DCDC1: variants seen among roughly 807,000 people sequenced by gnomAD.
DCDC1 encodes doublecortin domain containing 1.
Under a neutral mutation model 178.3 loss-of-function variants are expected in DCDC1, and 200 were observed. The ratio of observed to expected loss-of-function variants is 1.12; its 90% CI spans 1.00 to 1.26. The LOEUF is 1.26. DCDC1 is among the 50% of genes most tolerant of loss of function. The pLI is 0.00. For synonymous variants in DCDC1, 690 were observed against 604.8 expected, an observed-to-expected ratio of 1.14 and a Z score of -2.07; for missense variants, 1,983 against 1,749.2, an observed-to-expected ratio of 1.13 and a Z score of -2.38.
At chr11:31,001,622 A>G (rs1458409240) in intron 20 of DCDC1, among the ~76,000 whole-genome samples, 1 of 152,186 alleles carries the variant, frequency 6.6e-6, no homozygotes. Flanking sequence ...TATACTACAC[A>G]CTGGCTTAGA....
At chr11:31,341,812 TACACACAC>T (rs34730979) in intron 1 of DCDC1, among the ~76,000 whole-genome samples, 17 of 144,470 alleles carry the variant, frequency 1.2e-4, no homozygotes, top group Admixed American at 9.0e-4. Context: ...TGCATGACTA[TACACACAC>T]ACACACACAC....
intron 9 of DCDC1, among the ~76,000 whole-genome samples, chr11:31,195,067 G>A (rs953796539): frequency 3.3e-5 from 5 of 152,042 alleles, no homozygotes; most frequent in Non-Finnish European, 7.4e-5. Flanking sequence ...GCTTTCACAG[G>A]CTTCCTCACG....
chr11:31,106,640 A>G (rs1958868017), intron 13 of DCDC1, among the ~76,000 whole-genome samples, 157 bp downstream of exon 13: 1 of 152,234 alleles, frequency 6.6e-6, no homozygotes, highest in Admixed American at 6.5e-5. Flanking sequence ...GTCATATTCC[A>G]CCAACAATAC....
chr11:31,090,084 C>T (rs1381288022), intron 17 of DCDC1, among the ~76,000 whole-genome samples: 6 of 152,236 alleles, frequency 3.9e-5, no homozygotes, highest in Middle Eastern at 3.4e-3. Flanking sequence ...ATCTTATTAC[C>T]CAGTCTGCGT....
chr11:31,236,974 T>C (rs1425769536), intron 9 of DCDC1, among the ~76,000 whole-genome samples: 1 of 151,986 alleles, frequency 6.6e-6, no homozygotes, highest in East Asian at 1.9e-4. Flanking sequence ...TTATTTTAAT[T>C]GACACAGGAT....
intron 1 of DCDC1, among the ~76,000 whole-genome samples, chr11:31,365,085 T>C (rs949937029): frequency 8.5e-5 from 13 of 152,188 alleles, no homozygotes; most frequent in African/African-American, 3.1e-4. Context: ...AGTTCCTTTT[T>C]AAATGTCTGT....
At chr11:31,344,751 T>C (rs1054951973) in intron 1 of DCDC1, among the ~76,000 whole-genome samples, 7 of 152,228 alleles carry the variant, frequency 4.6e-5, no homozygotes, top group Admixed American at 2.0e-4. Context: ...TCTAGATTCT[T>C]GCCTTCTATA....
chr11:30,871,997 C>G (rs1483653860), intron 38 of DCDC1, among the ~76,000 whole-genome samples: 1 of 151,824 alleles, frequency 6.6e-6, no homozygotes, highest in South Asian at 2.1e-4. Flanking sequence ...GAATGTTGGA[C>G]TAGACATTGT....
chr11:30,910,386 T>C (rs1945358515), intron 28 of DCDC1, among the ~76,000 whole-genome samples: 1 of 152,196 alleles, frequency 6.6e-6, no homozygotes, highest in African/African-American at 2.4e-5. Context: ...ATGTTATATG[T>C]ACTCTATCTC....
intron 9 of DCDC1, among the ~76,000 whole-genome samples, chr11:31,158,140 G>T (rs548189293): frequency 1.3e-5 from 2 of 151,912 alleles, no homozygotes; most frequent in Non-Finnish European, 2.9e-5. Context: ...ACGGAGTCTC[G>T]CTCTGTCACC....
intron 9 of DCDC1, among the ~76,000 whole-genome samples, chr11:31,238,678 A>G (rs906284645): frequency 6.6e-6 from 1 of 152,146 alleles, no homozygotes; most frequent in African/African-American, 2.4e-5. Flanking sequence ...AGTGTTAACT[A>G]CATTTCATAG....
intron 9 of DCDC1, among the ~76,000 whole-genome samples, chr11:31,198,824 G>A (rs1970980272): frequency 6.6e-6 from 1 of 151,904 alleles, no homozygotes; most frequent in Non-Finnish European, 1.5e-5. Context: ...CTCATTGCTG[G>A]AAATGTTTCT....
intron 3 of DCDC1, among the ~76,000 whole-genome samples, chr11:31,309,902 C>T (rs940989204): frequency 2.0e-5 from 3 of 152,062 alleles, no homozygotes; most frequent in African/African-American, 7.2e-5. Context: ...ATGGATTTTA[C>T]TGGAATATAA....
intron 9 of DCDC1, among the ~76,000 whole-genome samples, chr11:31,200,569 T>C (rs1026997849): frequency 3.9e-5 from 6 of 152,100 alleles, no homozygotes; most frequent in Non-Finnish European, 8.8e-5. Context: ...GTTAGATCTA[T>C]AACTAATGTA....
chr11:31,259,564 T>A (rs2137057013), intron 8 of DCDC1, among the ~76,000 whole-genome samples: 1 of 152,286 alleles, frequency 6.6e-6, no homozygotes, highest in Non-Finnish European at 1.5e-5. Context: ...AGCTAAATAA[T>A]CTGTCCAAGG....
At chr11:31,164,764 A>G (rs1966625622) in intron 9 of DCDC1, among the ~76,000 whole-genome samples, 3 of 152,150 alleles carry the variant, frequency 2.0e-5, no homozygotes, top group Non-Finnish European at 4.4e-5. Flanking sequence ...TTAATAATTT[A>G]ATAAATTTAG....
In DCDC1 at chr11:31,091,423, A is replaced by C. The variant is rs376318208; in HGVS notation, c.2207T>G (p.Leu736Arg). 1.8e-5 allele frequency: 14 copies of C among 759,294 alleles called. No homozygotes were observed. The highest frequency in any genetic ancestry group is 3.4e-5 in the Non-Finnish European group (14 of 414,344). 47.0% of individuals were successfully genotyped at this position (759,294 alleles called of 1,614,324 possible). A position where few individuals can be genotyped will look rare whatever the true frequency, so the allele number is the denominator to read the frequency against. The change falls in exon 17 of 39, where the codon CTA becomes CGA. Residue 736 changes from leucine (L) to arginine (R), a missense_variant. By Grantham distance (102) the Leu-to-Arg change is moderately radical. Transcript: ENST00000684477. ...IRVKAAEGTS[L>R]EGYKLILQKR... ...CTGTAAGATTAATTTATATCCTTCT[A>C]GTGATGTTCCCTCAGCAGCCTTGAC... is the stretch of plus-strand genomic sequence containing the variant.
chr11:30,947,194 A>G (rs1277781103), intron 21 of DCDC1, among the ~76,000 whole-genome samples: 1 of 152,194 alleles, frequency 6.6e-6, no homozygotes. Flanking sequence ...CATCATAAAG[A>G]TACAAAGAGA....
chr11:31,026,170 T>G (rs1036087920), intron 20 of DCDC1, among the ~76,000 whole-genome samples: 14 of 151,798 alleles, frequency 9.2e-5, no homozygotes, highest in African/African-American at 2.9e-4. Context: ...AGAGCTCTGT[T>G]ATCCCTTTAG....
Sources: allele counts gnomAD v4.1 joint callset (sites outside exome capture counted in the v4.1 genomes callset), GRCh38; gene constraint gnomAD v4.1.1; transcripts MANE v1.5; gene names NCBI Gene and HGNC (gene_info 2026-07-23, HGNC 2026-07-21).